KAZN: variants seen among roughly 807,000 people sequenced by gnomAD.
KAZN encodes the protein kazrin, periplakin interacting protein, also known as kazrin.
Under a neutral mutation model 87.4 loss-of-function variants are expected in KAZN, and 40 were observed. The ratio of observed to expected loss-of-function variants is 0.46; its 90% CI spans 0.36 to 0.60. The LOEUF is 0.60. Among genes scored for constraint, KAZN ranks in the 20% least tolerant of loss-of-function variants. The probability of loss-of-function intolerance (pLI) is 0.00; values close to 1 mark genes in which losing one functional copy is unlikely to be tolerated. For missense variants in KAZN, 898 were observed against 1,073.9 expected (o/e 0.84, Z 2.29); for synonymous variants, 466 against 458.3 (o/e 1.02, Z -0.22).
At chr1:14,846,082 T>A (rs1024225448) in intron 1 of KAZN, among the ~76,000 whole-genome samples, 1 of 152,186 alleles carries the variant, frequency 6.6e-6, no homozygotes, top group Non-Finnish European at 1.5e-5. Context: ...AGACAGCAGC[T>A]GGGCCTTTGA....
chr1:14,990,568 G>A (rs978931307), intron 2 of KAZN, among the ~76,000 whole-genome samples: 5 of 152,102 alleles, frequency 3.3e-5, no homozygotes, highest in African/African-American at 1.2e-4. Flanking sequence ...ACACAGCCAT[G>A]CCCATTTGTT....
At chr1:14,929,241 AAT>A (rs1357604977) in intron 1 of KAZN, among the ~76,000 whole-genome samples, 1 of 152,192 alleles carries the variant, frequency 6.6e-6, no homozygotes, top group Non-Finnish European at 1.5e-5. Context: ...ATGTGTTTAA[AAT>A]ATATATAATA....
At chr1:14,841,519 T>C (rs1194113495) in intron 1 of KAZN, among the ~76,000 whole-genome samples, 5 of 148,558 alleles carry the variant, frequency 3.4e-5, no homozygotes, top group African/African-American at 1.3e-4. Context: ...TTCCTGGGTA[T>C]AGGGGCAGGG....
chr1:14,088,581 G>T lies in KAZN; in HGVS notation c.92-91854G>T, dbSNP rs1405773687. 3.3e-5 allele frequency among the ~76,000 whole-genome samples: 5 copies of T among 151,926 alleles called. No individual in the cohort carries two copies. The East Asian group carries it at 9.7e-4, about 29-fold the overall frequency. On this transcript the variant is annotated intron_variant, in intron 1 of 16. Coordinates refer to the KAZN transcript ENST00000636203. ...CGATCTATTTTGGTAAATATTCCAT[G>T]TTCACTTCAAAGAATGCTCTTCTGC...
At chr1:14,720,135 A>C (rs1643017602) in intron 1 of KAZN, among the ~76,000 whole-genome samples, 1 of 152,196 alleles carries the variant, frequency 6.6e-6, no homozygotes, top group Non-Finnish European at 1.5e-5. Context: ...GGGATTCCGG[A>C]GCTTGTGCCA....
At chr1:14,807,316 T>C (rs1646254442) in intron 1 of KAZN, among the ~76,000 whole-genome samples, 1 of 152,142 alleles carries the variant, frequency 6.6e-6, no homozygotes, top group Admixed American at 6.6e-5. Context: ...TGCGAGTCAT[T>C]CTGAAAATCT....
intron 10 of KAZN, among the ~76,000 whole-genome samples, chr1:15,097,697 G>C (rs1463939001): frequency 6.6e-6 from 1 of 152,078 alleles, no homozygotes; most frequent in Non-Finnish European, 1.5e-5. Context: ...GTGTGCCTGT[G>C]ATCCCAGCTA....
intron 1 of KAZN, among the ~76,000 whole-genome samples, chr1:14,600,664 T>C (rs1158079719): frequency 1.4e-5 from 1 of 72,858 alleles, no homozygotes; most frequent in African/African-American, 5.9e-5. Flanking sequence ...CTGGAACCTG[T>C]GCAAAAAAAA....
chr1:13,981,850 G>A (rs1262591899), intron 1 of KAZN, among the ~76,000 whole-genome samples: 1 of 152,142 alleles, frequency 6.6e-6, no homozygotes, highest in African/African-American at 2.4e-5. Flanking sequence ...GATATGTTGT[G>A]GTTGTGACTG....
rs563064647 is a variant in KAZN, at chr1:14,985,076, C to T, written c.418+24201C>T. Among the ~76,000 whole-genome samples, 70 of 149,890 alleles carry T rather than the reference C, an allele frequency of 4.7e-4. No homozygotes were observed. In the East Asian group the frequency reaches 0.013, roughly 29 times the overall value. ...GCTTGAACCCAGGAGGCAGAGGTTG[C>T]AGTGAGCCAAGATCATGCCACTGCA... On this transcript the variant is annotated intron_variant, in intron 2 of 14. Transcript: ENST00000376030.
chr1:14,925,567 C>T (rs533192638), intron 1 of KAZN, among the ~76,000 whole-genome samples: 13 of 152,258 alleles, frequency 8.5e-5, no homozygotes, highest in Admixed American at 2.0e-4. Flanking sequence ...TGCCCAAGTT[C>T]CCAGAGTCCT....
chr1:14,888,425 C>T (rs1360340151), intron 1 of KAZN, among the ~76,000 whole-genome samples: 1 of 152,184 alleles, frequency 6.6e-6, no homozygotes, highest in African/African-American at 2.4e-5. Flanking sequence ...AGGTAGGAGG[C>T]TCCAATCAGC....
At chr1:13,941,492 A>G (rs1024241726) in intron 1 of KAZN, among the ~76,000 whole-genome samples, 2 of 152,094 alleles carry the variant, frequency 1.3e-5, no homozygotes. Context: ...CAGTAACCCA[A>G]ACCTTGGCAA....
chr1:14,454,675 A>G (rs1000155247), intron 2 of KAZN, among the ~76,000 whole-genome samples: 27 of 152,192 alleles, frequency 1.8e-4, no homozygotes, highest in African/African-American at 6.3e-4. Context: ...GGGCATATAC[A>G]TTATTGAGGA....
At chr1:14,810,432 C>T (rs1646370855) in intron 1 of KAZN, among the ~76,000 whole-genome samples, 1 of 152,178 alleles carries the variant, frequency 6.6e-6, no homozygotes, top group South Asian at 2.1e-4. Context: ...GTGGCATCCT[C>T]AGCCCCCAGC....
At chr1:14,927,605 A>G (rs1340218148) in intron 1 of KAZN, among the ~76,000 whole-genome samples, 2 of 152,176 alleles carry the variant, frequency 1.3e-5, no homozygotes, top group African/African-American at 2.4e-5. Flanking sequence ...TAAAGGAACT[A>G]AGCCATTTTT....
intron 1 of KAZN, among the ~76,000 whole-genome samples, chr1:13,895,133 G>A (rs1638987165): frequency 6.6e-6 from 1 of 152,150 alleles, no homozygotes; most frequent in Non-Finnish European, 1.5e-5. Context: ...TGCAGGGAGG[G>A]GCATAGCTGC....
intron 2 of KAZN, among the ~76,000 whole-genome samples, chr1:14,355,589 AC>A (rs1658953264): frequency 6.6e-6 from 1 of 151,348 alleles, no homozygotes; most frequent in African/African-American, 2.4e-5. Context: ...TAATCTCCCA[AC>A]CCCCAACAGG....
chr1:14,881,084 T>C (rs1189590785), intron 1 of KAZN, among the ~76,000 whole-genome samples: 1 of 152,210 alleles, frequency 6.6e-6, no homozygotes, highest in Non-Finnish European at 1.5e-5. Context: ...TCTTGGAGCA[T>C]GCGGTAACTG....
Sources: allele counts gnomAD v4.1 joint callset (sites outside exome capture counted in the v4.1 genomes callset), GRCh38; gene constraint gnomAD v4.1.1; transcripts MANE v1.5; gene names NCBI Gene and HGNC (gene_info 2026-07-23, HGNC 2026-07-21).